PCDH9: variants seen among roughly 807,000 people sequenced by gnomAD.
PCDH9 encodes protocadherin-9.
Under a neutral mutation model 70.6 loss-of-function variants are expected in PCDH9, and 24 were observed. The ratio of observed to expected loss-of-function variants is 0.34; its 90% confidence interval spans 0.25 to 0.48. The LOEUF (loss-of-function observed/expected upper bound fraction) is 0.48, where lower values mean the gene tolerates loss of function less well. Among genes scored for constraint, PCDH9 ranks in the 20% least tolerant of loss-of-function variants. PCDH9 has a pLI of 0.99. For synonymous variants in PCDH9, 562 were observed against 558.5 expected, an observed-to-expected ratio of 1.01 and a Z score of -0.09; for missense variants, 1,281 against 1,503.6, an observed-to-expected ratio of 0.85 and a Z score of 2.45.
chr13:66,766,555 T>C (rs1340204547), intron 3 of PCDH9, among the ~76,000 whole-genome samples: 1 of 151,780 alleles, frequency 6.6e-6, no homozygotes, highest in Non-Finnish European at 1.5e-5. Context: ...CAAATCTGAG[T>C]TTGGGAAATA....
At chr13:66,682,527 C>T (rs1013686209) in intron 3 of PCDH9, among the ~76,000 whole-genome samples, 1 of 151,892 alleles carries the variant, frequency 6.6e-6, no homozygotes, top group Non-Finnish European at 1.5e-5. Context: ...AGCTCAGTTT[C>T]GGAGTTGAGT....
intron 3 of PCDH9, among the ~76,000 whole-genome samples, chr13:66,682,416 C>G (rs1185040186): frequency 1.3e-5 from 2 of 151,468 alleles, no homozygotes; most frequent in Non-Finnish European, 2.9e-5. Flanking sequence ...TCATCTTCTT[C>G]TTTTTATTTA....
intron 3 of PCDH9, among the ~76,000 whole-genome samples, chr13:66,902,822 A>G (rs978081552): frequency 2.0e-5 from 3 of 151,820 alleles, no homozygotes; most frequent in Non-Finnish European, 4.4e-5. Context: ...GACTTAAAAA[A>G]AAATACATGA....
chr13:67,171,786 C>A (rs1378877119), intron 2 of PCDH9, among the ~76,000 whole-genome samples: 3 of 152,098 alleles, frequency 2.0e-5, no homozygotes. Flanking sequence ...GATTATAATA[C>A]TTTCCTACAA....
intron 2 of PCDH9, among the ~76,000 whole-genome samples, chr13:67,133,101 C>G (rs2087146404): frequency 6.6e-6 from 1 of 152,068 alleles, no homozygotes; most frequent in East Asian, 1.9e-4. Context: ...GTCTACGGGC[C>G]TTCCTGTGCT....
chr13:66,854,111 T>C (rs955486747), intron 3 of PCDH9, among the ~76,000 whole-genome samples: 10 of 152,174 alleles, frequency 6.6e-5, no homozygotes, highest in Non-Finnish European at 7.4e-5. Context: ...TTGTGAATAA[T>C]TGAGTATTGT....
intron 2 of PCDH9, among the ~76,000 whole-genome samples, chr13:66,979,665 G>T (rs972093188): frequency 6.6e-6 from 1 of 151,988 alleles, no homozygotes; most frequent in Non-Finnish European, 1.5e-5. Context: ...TCTCATTCAT[G>T]TCCAAAATTC....
intron 3 of PCDH9, among the ~76,000 whole-genome samples, chr13:66,757,043 G>C (rs2079548445): frequency 3.9e-5 from 6 of 151,920 alleles, no homozygotes. Context: ...CACCATGTTG[G>C]GCAGCCTAGT....
intron 2 of PCDH9, among the ~76,000 whole-genome samples, chr13:67,147,824 G>C (rs1262961890): frequency 6.6e-6 from 1 of 152,124 alleles, no homozygotes; most frequent in Non-Finnish European, 1.5e-5. Context: ...GCTTGGGTAT[G>C]GGCCAGTTCT....
intron 4 of PCDH9, among the ~76,000 whole-genome samples, chr13:66,608,552 T>C (rs910517387): frequency 2.0e-5 from 3 of 152,034 alleles, no homozygotes; most frequent in Non-Finnish European, 4.4e-5. Context: ...AGTCGCATCA[T>C]TCACTCAAAC....
intron 2 of PCDH9, among the ~76,000 whole-genome samples, chr13:66,913,894 G>GT (rs1334000109): frequency 1.3e-5 from 2 of 151,762 alleles, no homozygotes; most frequent in South Asian, 4.2e-4. Flanking sequence ...ATTTCCACAT[G>GT]TTTTTTTAAT....
chr13:66,979,969 T>C (rs1248359248), intron 2 of PCDH9, among the ~76,000 whole-genome samples: 1 of 152,132 alleles, frequency 6.6e-6, no homozygotes, highest in Non-Finnish European at 1.5e-5. Context: ...ACTGATGAAA[T>C]TTCTCATAGC....
At chr13:67,063,466 T>C (rs1245081056) in intron 2 of PCDH9, among the ~76,000 whole-genome samples, 1 of 152,058 alleles carries the variant, frequency 6.6e-6, no homozygotes, top group African/African-American at 2.4e-5. Context: ...GTAGATATTA[T>C]TAAAATTCCA....
At chr13:66,538,326 C>G (rs1452709573) in intron 4 of PCDH9, among the ~76,000 whole-genome samples, 1 of 152,128 alleles carries the variant, frequency 6.6e-6, no homozygotes, top group Non-Finnish European at 1.5e-5. Flanking sequence ...TTTTTATAGA[C>G]AAATATTCAA....
intron 2 of PCDH9, among the ~76,000 whole-genome samples, chr13:66,921,031 A>G (rs1452912173): frequency 6.6e-6 from 1 of 151,152 alleles, no homozygotes; most frequent in Admixed American, 6.6e-5. Flanking sequence ...CTTTGACTGA[A>G]GATGATCAAT....
At chr13:66,921,048 A>G (rs1486237474) in intron 2 of PCDH9, among the ~76,000 whole-genome samples, 1 of 151,126 alleles carries the variant, frequency 6.6e-6, no homozygotes, top group Non-Finnish European at 1.5e-5. Context: ...CAATGCTTAT[A>G]CTGAATTTCA....
intron 3 of PCDH9, among the ~76,000 whole-genome samples, chr13:66,664,872 C>T (rs973353169): frequency 4.6e-5 from 7 of 151,944 alleles, no homozygotes; most frequent in Non-Finnish European, 8.8e-5. Flanking sequence ...CCCATGATAC[C>T]CTACCCCCAG....
chr13:66,914,025 C>A (rs1030126617), intron 2 of PCDH9, among the ~76,000 whole-genome samples: 1 of 151,722 alleles, frequency 6.6e-6, no homozygotes, highest in African/African-American at 2.4e-5. Flanking sequence ...ATAAATCAGG[C>A]CAAATTAAAG....
intron 2 of PCDH9, among the ~76,000 whole-genome samples, chr13:67,178,859 G>C (rs915774158): frequency 1.3e-5 from 2 of 151,988 alleles, no homozygotes; most frequent in African/African-American, 4.8e-5. Context: ...ACCTCATCCA[G>C]GAGAAAGACT....
Sources: gnomAD v4.1 joint callset for allele counts (sites outside exome capture counted in the v4.1 genomes callset) on GRCh38, gnomAD v4.1.1 for gene constraint, MANE v1.5 for transcripts, NCBI Gene and HGNC (gene_info 2026-07-23, HGNC 2026-07-21) for gene names.